Variants in ZSWIM4 observed in about 807,000 individuals in gnomAD.
The protein encoded by ZSWIM4 is zinc finger SWIM domain-containing protein 4.
In ZSWIM4, 62 loss-of-function variants were observed where a neutral mutation model predicts 102.5. The observed-to-expected ratio is 0.60, with a 90% CI of 0.49 to 0.75. The LOEUF is 0.75. Ranked by LOEUF, ZSWIM4 falls within the 30% of genes least tolerant of loss-of-function variation. The pLI, the probability that ZSWIM4 is intolerant of heterozygous loss-of-function variation, is 0.00. For synonymous variants in ZSWIM4, 652 were observed against 674.5 expected, an observed-to-expected ratio of 0.97 and a Z score of 0.52; for missense variants, 1,280 against 1,529.6, an observed-to-expected ratio of 0.84 and a Z score of 2.72.
At chr19:13,812,581 TC>T (rs1322101686) in intron 5 of ZSWIM4, among the ~76,000 whole-genome samples, 1 of 150,172 alleles carries the variant, frequency 6.7e-6, no homozygotes, top group Non-Finnish European at 1.5e-5. Flanking sequence ...TGCCTCAGCC[TC>T]CTGAATAGCT....
intron 1 of ZSWIM4, among the ~76,000 whole-genome samples, chr19:13,796,010 C>T (rs1444044364): frequency 6.6e-6 from 1 of 151,136 alleles, no homozygotes; most frequent in African/African-American, 2.4e-5. Flanking sequence ...ACCCCCATCC[C>T]TTCTCTGCCA....
intron 2 of ZSWIM4, 48 bp from the exon 3 acceptor site, chr19:13,804,744 G>C: frequency 6.7e-7 from 1 of 1,485,230 alleles, no homozygotes; most frequent in Non-Finnish European, 9.1e-7. Flanking sequence ...CACAAACACC[G>C]CCTGTCTCTG....
intron 1 of ZSWIM4, chr19:13,796,502 A>T (rs1044659717): frequency 6.7e-6 from 1 of 149,008 alleles, no homozygotes; most frequent in Non-Finnish European, 1.5e-5. Flanking sequence ...ACCCCTCTCT[A>T]CTCCTCCAGA....
Position 13,817,705 on chromosome 19 carries a change from G to A in ZSWIM4, c.1670-17G>A, listed in dbSNP as rs1269794279. The A allele has an allele frequency of 6.2e-7, 1 of 1,606,918 alleles. No homozygotes were observed. Among genetic ancestry groups the A allele is most frequent in the Non-Finnish European group, 8.5e-7 (1 of 1,177,566 alleles). Reference sequence around the variant, plus strand: ...AAGGGGATCCGTCTCCAGCAGCCCTGGCCCTGTCTCCCCCAGACTCAGGCC... The same window carrying A: ...AAGGGGATCCGTCTCCAGCAGCCCTAGCCCTGTCTCCCCCAGACTCAGGCC... On this transcript the variant is annotated splice_polypyrimidine_tract_variant and intron_variant, in intron 8 of 13. Transcript: ENST00000590508.
chr19:13,804,667 GT>G, intron 2 of ZSWIM4, 124 bp from the exon 3 acceptor site: 1 of 744,026 alleles, frequency 1.3e-6, no homozygotes. Context: ...AAAATGCAAA[GT>G]GAGTGAGGTG....
chr19:13,799,440 AT>A (rs1261625534), intron 1 of ZSWIM4, among the ~76,000 whole-genome samples: 8 of 150,702 alleles, frequency 5.3e-5, no homozygotes, highest in East Asian at 2.0e-4. Flanking sequence ...CACCCGGCTA[AT>A]TTTTTTTATC....
intron 10 of ZSWIM4, 145 bp from the exon 11 acceptor site, chr19:13,823,201 C>A: frequency 1.4e-6 from 1 of 737,740 alleles, no homozygotes; most frequent in Non-Finnish European, 2.2e-6. Flanking sequence ...CAGTGAACAT[C>A]TTGCACACAC....
At chr19:13,803,618 A>G (rs1038326170) in intron 2 of ZSWIM4, among the ~76,000 whole-genome samples, 1 of 151,322 alleles carries the variant, frequency 6.6e-6, no homozygotes, top group Non-Finnish European at 1.5e-5. Context: ...AGCCTGGCCA[A>G]TATGGTGAAA....
chr19:13,815,507 T>C (rs1433640052), intron 7 of ZSWIM4, among the ~76,000 whole-genome samples: 1 of 134,328 alleles, frequency 7.4e-6, no homozygotes, highest in African/African-American at 2.9e-5. Context: ...GTCTCGGTCT[T>C]TCGCCCAGTC....
intron 5 of ZSWIM4, among the ~76,000 whole-genome samples, chr19:13,810,648 C>T (rs2145299808): frequency 6.6e-6 from 1 of 150,584 alleles, no homozygotes; most frequent in East Asian, 2.0e-4. Flanking sequence ...CTTGCTCTGT[C>T]ACCCAAGCTG....
Position 13,830,391 on chromosome 19 carries a change from G to A in ZSWIM4, c.2662G>A (p.Ala888Thr), listed in dbSNP as rs372292857. Residue 888 changes from alanine to threonine, a missense_variant, in exon 14 of 14, where the codon GCC (alanine) becomes ACC (threonine). Ala to Thr is a moderately conservative substitution (Grantham distance 58). Coordinates refer to ENST00000590508, the MANE Select transcript of ZSWIM4 (RefSeq NM_001367834.3). ...QCAMKDPQNC[A>T]LPALTLCEKN... ...CGCGATGAAGGACCCTCAGAACTGCGCCTTGCCTGCCCTGACCCTGTGCGA... is the reference window on the plus strand; with the variant it reads ...CGCGATGAAGGACCCTCAGAACTGCACCTTGCCTGCCCTGACCCTGTGCGA... 209 of 1,612,446 alleles carry A rather than the reference G, an allele frequency of 1.3e-4. 1 individual carries two copies. In the South Asian group the frequency reaches 2.2e-3, roughly 17 times the overall value.
chr19:13,830,121 T>G, intron 13 of ZSWIM4, 70 bp from the exon 14 acceptor site: 1 of 1,546,260 alleles, frequency 6.5e-7, no homozygotes, highest in Non-Finnish European at 8.7e-7. Flanking sequence ...GTGTCATGGT[T>G]AACCCACGCA....
chr19:13,820,089 A>G (rs2145353541), intron 10 of ZSWIM4, among the ~76,000 whole-genome samples: 1 of 151,882 alleles, frequency 6.6e-6, no homozygotes, highest in East Asian at 1.9e-4. Flanking sequence ...TAATAGAGAC[A>G]GGATTTCGCC....
Position 13,830,809 on chromosome 19 carries a change from C to T in ZSWIM4, c.3080C>T (p.Ala1027Val). Reference sequence around the variant, plus strand: ...GCCAAGCCACTGGGTGCCGACCGGGCGCCGCTCTGCCAGCTCCTGGACGCG... The same window carrying T: ...GCCAAGCCACTGGGTGCCGACCGGGTGCCGCTCTGCCAGCTCCTGGACGCG... Reference protein sequence around the residue: ...RAAKPLGADRAPLCQLLDAAV... With the variant: ...RAAKPLGADRVPLCQLLDAAV... The change falls in exon 14 of 14, where the codon GCG becomes GTG. Residue 1027 changes from alanine (A) to valine (V), a missense_variant. Ala to Val is a moderately conservative substitution (Grantham distance 64, BLOSUM62 0). Transcript: ENST00000590508. The T allele has an allele frequency of 1.9e-6, 3 of 1,604,438 alleles. No homozygotes were observed. Among genetic ancestry groups the T allele is most frequent in the Non-Finnish European group, 2.6e-6 (3 of 1,174,490 alleles).
At position 13,830,900 on chromosome 19, in the gene ZSWIM4, G is replaced by T; in HGVS notation, c.3171G>T (p.Gly1057=). 2 of 1,614,068 alleles carry T rather than the reference G, an allele frequency of 1.2e-6. No individual in the cohort carries two copies. Among genetic ancestry groups the T allele is most frequent in the East Asian group, 4.5e-5 (2 of 44,878 alleles). Residue 1057 remains glycine (G), a synonymous_variant, in exon 14 of 14, where the codon GGG becomes GGT. Coordinates refer to ENST00000590508, the MANE Select transcript of ZSWIM4 (RefSeq NM_001367834.3). ...CGCACATCAGCCCGCGGCACTATGGGGATTTCATCGAATTCCTGGGCAAGG... is the reference window on the plus strand; with the variant it reads ...CGCACATCAGCCCGCGGCACTATGGTGATTTCATCGAATTCCTGGGCAAGG... ...RLTHISPRHY[G]DFIEFLGKAR...
At chr19:13,821,537 C>A (rs772163466) in intron 10 of ZSWIM4, among the ~76,000 whole-genome samples, 12 of 152,108 alleles carry the variant, frequency 7.9e-5, no homozygotes, top group African/African-American at 1.7e-4. Flanking sequence ...AGAGCAAGAC[C>A]CCATCTCTCT....
chr19:13,799,774 T>G lies in ZSWIM4; in HGVS notation c.208T>G (p.Trp70Gly). 6.2e-7 allele frequency: 1 copy of G among 1,614,050 alleles called. No homozygotes were observed. Among genetic ancestry groups the G allele is most frequent in the South Asian group, 1.1e-5 (1 of 91,088 alleles). The change falls in exon 2 of 14, where the codon TGG (tryptophan) becomes GGG (glycine). Residue 70 changes from tryptophan (W) to glycine (G), a missense_variant. Physicochemically the swap from Trp to Gly is radical, Grantham distance 184. Transcript: ENST00000590508. ...GCCCGTCCAGAAGCGCATCGTGTTT[T>G]GGTCGTTTCCACGCAGTGAACGGGA... ...PEPVQKRIVFWSFPRSEREIC... is the reference protein window; with the variant it reads ...PEPVQKRIVFGSFPRSEREIC...
chr19:13,817,092 T>C, intron 7 of ZSWIM4, 124 bp from the exon 8 acceptor site: 4 of 1,348,602 alleles, frequency 3.0e-6, no homozygotes, highest in Non-Finnish European at 4.0e-6. Context: ...AAGGTGACCA[T>C]TGGGTGAGCA....
chr19:13,815,456 A>ATTTTTTTTTTTTTTTTTTTTTTT (rs758486796), intron 7 of ZSWIM4: 1 of 58,160 alleles, frequency 1.7e-5, no homozygotes, highest in African/African-American at 7.9e-5. Flanking sequence ...GTGCCTGGAA[A>ATTTTTTTTTTTTTTTTTTTTTTT]TTTTTTTTTT....
Sources: gnomAD v4.1 joint callset for allele counts (sites outside exome capture counted in the v4.1 genomes callset) on GRCh38, gnomAD v4.1.1 for gene constraint, MANE v1.5 for transcripts, NCBI Gene and HGNC (gene_info 2026-07-23, HGNC 2026-07-21) for gene names.